Variants in ZNF716 observed in about 807,000 individuals in gnomAD.
ZNF716 encodes zinc finger protein 716.
A neutral mutation model predicts 13.4 loss-of-function variants in ZNF716; 9 were observed. The observed-to-expected ratio is 0.67, with a 90% CI of 0.41 to 1.18. The LOEUF is 1.18. Among genes scored for constraint, ZNF716 ranks in the 50% most tolerant of loss-of-function variants. ZNF716 has a pLI of 0.01. For missense variants in ZNF716, 581 were observed against 576.6 expected, an observed-to-expected ratio of 1.01 and a Z score of -0.08; for synonymous variants, 186 against 195.2, an observed-to-expected ratio of 0.95 and a Z score of 0.39.
chr7:57,466,922 A>G (rs1435645789), intron 3 of ZNF716, among the ~76,000 whole-genome samples: 3 of 152,076 alleles, frequency 2.0e-5, no homozygotes, highest in African/African-American at 7.2e-5. Flanking sequence ...ATATACATAT[A>G]TGTAGACATA....
chr7:57,469,584 AC>A lies in ZNF716; in HGVS notation c.1124del (p.Thr375MetfsTer54). 1 of 1,613,142 alleles carries A rather than the reference AC, an allele frequency of 6.2e-7. No homozygotes were observed. The highest frequency in any genetic ancestry group is 1.1e-5 in the South Asian group (1 of 90,994). On this transcript the variant is annotated frameshift_variant, in exon 4 of 4. Coordinates refer to ENST00000420713, the MANE Select transcript of ZNF716 (RefSeq NM_001159279.1). LOFTEE classifies it low-confidence loss of function (END_TRUNC). ...TCTAAATACTCATAAGAGGATTCAT[AC>A]TGGAGAGAAACCCTACACTTGTGAA... is the stretch of plus-strand genomic sequence containing the variant. ...STLNTHKRIH[T>X]GEKPYTCEEC...
chr7:57,459,176 C>G (rs1254593969), intron 1 of ZNF716, among the ~76,000 whole-genome samples: 1 of 152,122 alleles, frequency 6.6e-6, no homozygotes, highest in East Asian at 1.9e-4. Context: ...ATGCTGTGCT[C>G]TTAATCTAAA....
intron 3 of ZNF716, among the ~76,000 whole-genome samples, chr7:57,463,691 T>C (rs1319756112): frequency 6.6e-6 from 1 of 151,674 alleles, no homozygotes; most frequent in Non-Finnish European, 1.5e-5. Flanking sequence ...TATTTATTTA[T>C]TTAGAGGCTG....
At chr7:57,455,986 C>T (rs1789580459) in intron 1 of ZNF716, among the ~76,000 whole-genome samples, 2 of 151,388 alleles carry the variant, frequency 1.3e-5, no homozygotes, top group Admixed American at 6.6e-5. Flanking sequence ...GATGGAGTCT[C>T]ACTCTGTCAC....
chr7:57,460,886 T>G (rs1384802225), intron 1 of ZNF716, among the ~76,000 whole-genome samples: 4 of 152,186 alleles, frequency 2.6e-5, no homozygotes, highest in African/African-American at 4.8e-5. Context: ...TCCAGGGTGC[T>G]AAGGAAAGAC....
At chr7:57,457,026 T>C (rs1209215396) in intron 1 of ZNF716, among the ~76,000 whole-genome samples, 3 of 152,126 alleles carry the variant, frequency 2.0e-5, no homozygotes, top group African/African-American at 7.2e-5. Flanking sequence ...CACTAGACAT[T>C]GATGCATCCA....
At position 57,469,722 on chromosome 7, in the gene ZNF716, T is replaced by C; in HGVS notation, c.1261T>C (p.Ser421Pro). ...EECGKAFNCSSTLKKHKIIHT... is the reference protein window; with the variant it reads ...EECGKAFNCSPTLKKHKIIHT... ...ATGTGGCAAAGCCTTTAACTGCTCCTCAACCCTTAAGAAACATAAGATAAT... is the reference window on the plus strand; with the variant it reads ...ATGTGGCAAAGCCTTTAACTGCTCCCCAACCCTTAAGAAACATAAGATAAT... The change falls in exon 4 of 4, where the codon TCA becomes CCA. Residue 421 changes from serine (S) to proline (P), a missense_variant. Transcript: ENST00000420713. The C allele has an allele frequency of 5.6e-6, 9 of 1,611,038 alleles. No individual in the cohort carries two copies. The highest frequency in any genetic ancestry group is 6.8e-6 in the Non-Finnish European group (8 of 1,177,832).
intron 1 of ZNF716, among the ~76,000 whole-genome samples, chr7:57,454,860 T>TA (rs1219918622): frequency 2.0e-5 from 3 of 151,860 alleles, no homozygotes; most frequent in Non-Finnish European, 4.4e-5. Flanking sequence ...CCATCTCTAC[T>TA]AAAAAATACA....
chr7:57,451,234 T>C (rs10241506), intron 1 of ZNF716, among the ~76,000 whole-genome samples: 122,656 of 151,786 alleles, frequency 0.81, 50,311 homozygotes, highest in African/African-American at 0.93. Flanking sequence ...AGGGTGCTCT[T>C]GAAATCCTGA....
At chr7:57,453,601 C>G (rs1305092979) in intron 1 of ZNF716, among the ~76,000 whole-genome samples, 3 of 152,114 alleles carry the variant, frequency 2.0e-5, no homozygotes, top group Admixed American at 6.5e-5. Flanking sequence ...GAAATTTTCT[C>G]AGGTGTGTTA....
intron 3 of ZNF716, among the ~76,000 whole-genome samples, chr7:57,463,472 C>A (rs781815148): frequency 1.3e-5 from 2 of 152,104 alleles, no homozygotes; most frequent in Non-Finnish European, 1.5e-5. Context: ...TGGGGACACA[C>A]AAATATCTGC....
Position 57,468,873 on chromosome 7 carries a change from C to T in ZNF716, c.412C>T (p.His138Tyr). The T allele has an allele frequency of 6.2e-7, 1 of 1,613,524 alleles. No individual in the cohort carries two copies. Among genetic ancestry groups the T allele is most frequent in the Non-Finnish European group, 8.5e-7 (1 of 1,179,760 alleles). ...CCKSVGECEV[H>Y]KGGYNYVNQC... is the part of the protein sequence containing the mutation. The stretch of plus-strand genomic sequence containing the variant: ...TAAAAGTGTAGGTGAGTGTGAGGTG[C>T]ACAAAGGAGGTTATAATTATGTTAA... Residue 138 changes from histidine to tyrosine, a missense_variant, in exon 4 of 4, where the codon CAC (histidine) becomes TAC (tyrosine). Coordinates refer to ENST00000420713, the MANE Select transcript of ZNF716 (RefSeq NM_001159279.1).
intron 1 of ZNF716, 31 bp from the exon 2 acceptor site, chr7:57,462,429 T>C (rs782439711): frequency 2.5e-6 from 4 of 1,599,316 alleles, no homozygotes; most frequent in Non-Finnish European, 3.4e-6. Flanking sequence ...TTCATGAGTG[T>C]TTTTTTTGTT....
Position 57,462,445 on chromosome 7 carries a change from AT to A in ZNF716, c.40-9del. The A allele has an allele frequency of 6.2e-7, 1 of 1,611,124 alleles. No homozygotes were observed. On this transcript the variant is annotated splice_polypyrimidine_tract_variant and intron_variant, in intron 1 of 3. Transcript: ENST00000420713. Reference sequence around the variant, plus strand: ...TCATGAGTGTTTTTTTTGTTTGTTTATTTTTTGTTTTTAGGGACTGTTGACA... The same window carrying A: ...TCATGAGTGTTTTTTTTGTTTGTTTATTTTTGTTTTTAGGGACTGTTGACA...
intron 1 of ZNF716, among the ~76,000 whole-genome samples, chr7:57,461,410 C>A (rs1261698686): frequency 2.0e-5 from 3 of 152,128 alleles, no homozygotes; most frequent in African/African-American, 7.2e-5. Context: ...ATTCACTTGG[C>A]TCAAGATCTC....
At chr7:57,460,035 G>T (rs1851774) in intron 1 of ZNF716, among the ~76,000 whole-genome samples, 1 of 151,678 alleles carries the variant, frequency 6.6e-6, no homozygotes, top group Non-Finnish European at 1.5e-5. Context: ...TGCATTTCAG[G>T]GAAAGAGGAG....
intron 1 of ZNF716, among the ~76,000 whole-genome samples, chr7:57,456,163 C>T (rs1010362887): frequency 2.0e-5 from 3 of 151,768 alleles, no homozygotes; most frequent in Admixed American, 2.0e-4. Flanking sequence ...ACCATCTTGA[C>T]CAGGCTGGTC....
chr7:57,462,032 T>C (rs1348407263), intron 1 of ZNF716, among the ~76,000 whole-genome samples: 1 of 151,960 alleles, frequency 6.6e-6, no homozygotes, highest in African/African-American at 2.4e-5. Flanking sequence ...TGGTGGCTCA[T>C]GCCTGTAGTC....
chr7:57,462,629 C>T, intron 2 of ZNF716, 43 bp downstream of exon 2: 1 of 1,543,322 alleles, frequency 6.5e-7, no homozygotes. Context: ...TATTGCCTTT[C>T]TCTCTTTTCT....
Sources: allele counts gnomAD v4.1 joint callset (sites outside exome capture counted in the v4.1 genomes callset), GRCh38; gene constraint gnomAD v4.1.1; transcripts MANE v1.5; gene names NCBI Gene and HGNC (gene_info 2026-07-23, HGNC 2026-07-21).